The following DPP6 variants were observed in gnomAD, a reference collection of about 807,000 sequenced individuals.
The protein encoded by DPP6 is dipeptidyl peptidase like 6, also known as A-type potassium channel modulatory protein DPP6.
A neutral mutation model predicts 122.6 loss-of-function variants in DPP6; 69 were observed. The ratio of observed to expected loss-of-function variants is 0.56; its 90% CI spans 0.46 to 0.69. The LOEUF is 0.69. Among genes scored for constraint, DPP6 ranks in the 30% least tolerant of loss-of-function variants. The pLI, the probability that DPP6 is intolerant of heterozygous loss-of-function variation, is 0.00. For synonymous variants in DPP6, 418 were observed against 433.1 expected (o/e 0.97, Z 0.43); for missense variants, 928 against 1,116.9 (o/e 0.83, Z 2.41).
At chr7:153,916,390 T>TC (rs1478864667) in intron 1 of DPP6, among the ~76,000 whole-genome samples, 12 of 27,946 alleles carry the variant, frequency 4.3e-4, no homozygotes, top group African/African-American at 1.5e-3. Context: ...TCTCCTCCCC[T>TC]CCCCTCTCCT....
At chr7:153,762,869 A>T in the DPP6 span, among the ~76,000 whole-genome samples, 1 of 152,184 alleles carries the variant, frequency 6.6e-6, no homozygotes, top group Admixed American at 6.5e-5. Flanking sequence ...TCCTAGATAC[A>T]CACCAAGGTT....
chr7:154,061,683 G>C (rs1024461377), intron 1 of DPP6, among the ~76,000 whole-genome samples: 9 of 73,194 alleles, frequency 1.2e-4, no homozygotes, highest in East Asian at 3.7e-4. Context: ...CCTGGCTCTT[G>C]GGACCACCAT....
chr7:154,141,341 C>T (rs73165213), intron 1 of DPP6, among the ~76,000 whole-genome samples: 6 of 152,306 alleles, frequency 3.9e-5, no homozygotes, highest in Non-Finnish European at 8.8e-5. Flanking sequence ...TTTTCCCCAC[C>T]CCTCCTCAGT....
intron 3 of DPP6, among the ~76,000 whole-genome samples, chr7:154,527,744 C>T (rs1827518854): frequency 6.6e-6 from 1 of 152,206 alleles, no homozygotes; most frequent in South Asian, 2.1e-4. Context: ...ATATAAATTA[C>T]ACTTAGTAAT....
intron 2 of DPP6, among the ~76,000 whole-genome samples, chr7:154,465,680 T>C (rs1259936517): frequency 6.6e-6 from 1 of 152,202 alleles, no homozygotes; most frequent in Non-Finnish European, 1.5e-5. Context: ...GCAGTTAGAA[T>C]GATGATTATT....
Position 154,475,031 on chromosome 7 carries a change from A to G in DPP6, c.451A>G (p.Ile151Val), listed in dbSNP as rs376281211. The G allele has an allele frequency of 2.5e-6, 4 of 1,612,908 alleles. No homozygotes were observed. The highest frequency in any genetic ancestry group is 3.4e-6 in the Non-Finnish European group (4 of 1,178,972). The change falls in exon 3 of 26, where the codon ATA (isoleucine) becomes GTA (valine). Residue 151 changes from isoleucine (I) to valine (V), a missense_variant. By Grantham distance (29) the Ile-to-Val change is conservative. Coordinates refer to ENST00000377770, the MANE Select transcript of DPP6 (RefSeq NM_130797.4). ...AATTCATGACCCCGAGGCTAAGTGG[A>G]TAAGTGGTGAGTCCAGGTCCTTCGT... ...FKIHDPEAKWISDTEFIYREQ... is the reference protein window; with the variant it reads ...FKIHDPEAKWVSDTEFIYREQ...
chr7:154,694,966 C>A (rs1563112659), intron 7 of DPP6, among the ~76,000 whole-genome samples: 1 of 152,226 alleles, frequency 6.6e-6, no homozygotes, highest in Non-Finnish European at 1.5e-5. Flanking sequence ...CATTAATTCA[C>A]TGTTCCCCAC....
upstream of DPP6, among the ~76,000 whole-genome samples, chr7:154,047,793 C>T (rs1800098835): frequency 6.6e-6 from 1 of 151,784 alleles, no homozygotes; most frequent in Admixed American, 6.6e-5. Context: ...AAGGGACATG[C>T]ATGAAGGCAA....
chr7:154,477,783 T>G (rs10235672), intron 3 of DPP6, among the ~76,000 whole-genome samples: 58,363 of 152,068 alleles, frequency 0.38, 11,914 homozygotes, highest in African/African-American at 0.5. Flanking sequence ...GCCTGTATCA[T>G]CAGGTTATGC....
At chr7:154,469,449 CT>C (rs1271416972) in intron 2 of DPP6, among the ~76,000 whole-genome samples, 1 of 152,152 alleles carries the variant, frequency 6.6e-6, no homozygotes, top group African/African-American at 2.4e-5. Flanking sequence ...CCACGGCTTC[CT>C]TCCGTCTCTA....
At chr7:153,873,873 CA>C in the DPP6 span, among the ~76,000 whole-genome samples, 1 of 152,152 alleles carries the variant, frequency 6.6e-6, no homozygotes, top group Admixed American at 6.5e-5. Flanking sequence ...CTCATTTGCA[CA>C]AGGCAGCTGA....
chr7:154,156,525 T>C (rs988325470), intron 1 of DPP6, among the ~76,000 whole-genome samples: 2 of 152,222 alleles, frequency 1.3e-5, no homozygotes, highest in African/African-American at 4.8e-5. Flanking sequence ...TGGATATAGC[T>C]GGCCCTCTTT....
chr7:154,627,146 G>A lies in DPP6; in HGVS notation c.628-10675G>A, dbSNP rs1331627292. On this transcript the variant is annotated intron_variant, in intron 5 of 25. Coordinates refer to ENST00000377770, the MANE Select transcript of DPP6 (RefSeq NM_130797.4). ...TCCTGCCTCAGCCTCCCAAATAGCT[G>A]GAACTACAGGCACCCACCACCACGC... is the stretch of plus-strand genomic sequence containing the variant. 4.1e-5 allele frequency among the ~76,000 whole-genome samples: 6 copies of A among 146,744 alleles called. No individual in the cohort carries two copies. The Admixed American group carries it at 4.1e-4, about 10-fold the overall frequency.
intron 3 of DPP6, among the ~76,000 whole-genome samples, chr7:154,536,659 T>C (rs1402773931): frequency 6.6e-6 from 1 of 152,084 alleles, no homozygotes; most frequent in African/African-American, 2.4e-5. Context: ...AGGAAACTCA[T>C]AAGGGAAAAT....
the DPP6 span, among the ~76,000 whole-genome samples, chr7:153,839,482 C>T: frequency 6.4e-4 from 97 of 152,320 alleles, no homozygotes; most frequent in Non-Finnish European, 7.6e-4. Context: ...AGAAGGCACA[C>T]GTGTGCACAC....
chr7:153,977,741 GT>G (rs1418129105), intron 1 of DPP6, among the ~76,000 whole-genome samples: 1 of 151,676 alleles, frequency 6.6e-6, no homozygotes, highest in Non-Finnish European at 1.5e-5. Context: ...AGTGTGTGAT[GT>G]TCCCCTCACT....
At chr7:153,926,118 G>A (rs1326993901) in intron 1 of DPP6, among the ~76,000 whole-genome samples, 2 of 152,176 alleles carry the variant, frequency 1.3e-5, no homozygotes, top group Non-Finnish European at 2.9e-5. Context: ...TGGGGCACCT[G>A]AGTCATTCTT....
intron 1 of DPP6, among the ~76,000 whole-genome samples, chr7:153,891,039 T>TTTTTTG (rs1799175412): frequency 1.3e-5 from 1 of 77,838 alleles, no homozygotes; most frequent in Non-Finnish European, 2.7e-5. Flanking sequence ...TTTTTTTTTT[T>TTTTTTG]GAGATGGAGT....
intron 19 of DPP6, among the ~76,000 whole-genome samples, chr7:154,874,089 G>A (rs2150647521): frequency 6.8e-6 from 1 of 147,534 alleles, no homozygotes. Context: ...ATGCACACAT[G>A]CACACATCTA....
Sources: allele counts gnomAD v4.1 joint callset (sites outside exome capture counted in the v4.1 genomes callset), GRCh38; gene constraint gnomAD v4.1.1; transcripts MANE v1.5; gene names NCBI Gene and HGNC (gene_info 2026-07-23, HGNC 2026-07-21).